The following STK24 variants were observed in gnomAD, a reference collection of about 807,000 sequenced individuals.
The protein encoded by STK24 is serine/threonine kinase 24, also known as serine/threonine-protein kinase 24.
A neutral mutation model predicts 55.6 loss-of-function variants in STK24; 21 were observed. The ratio of observed to expected loss-of-function variants is 0.38; its 90% CI spans 0.27 to 0.54. The LOEUF is 0.54. STK24 is among the 20% of genes least tolerant of loss of function. The pLI is 0.79. For missense variants in STK24, 383 were observed against 538.4 expected (o/e 0.71, Z 2.86); for synonymous variants, 200 against 215.2 (o/e 0.93, Z 0.62).
intron 2 of STK24, among the ~76,000 whole-genome samples, chr13:98,498,122 G>A (rs1895317609): frequency 6.6e-6 from 1 of 152,234 alleles, no homozygotes; most frequent in South Asian, 2.1e-4. Context: ...AGTTAGCTGA[G>A]CACTGATGGT....
intron 3 of STK24, among the ~76,000 whole-genome samples, chr13:98,479,433 T>G (rs1280181633): frequency 6.6e-6 from 1 of 152,198 alleles, no homozygotes; most frequent in Non-Finnish European, 1.5e-5. Context: ...TTTGCATTTT[T>G]TAAAAGTTAA....
chr13:98,509,600 T>G (rs1319400701), intron 2 of STK24, among the ~76,000 whole-genome samples: 1 of 152,236 alleles, frequency 6.6e-6, no homozygotes, highest in East Asian at 1.9e-4. Context: ...AAGTTTAACT[T>G]TCTCATACCA....
chr13:98,480,619 G>T (rs1894546101), intron 3 of STK24, among the ~76,000 whole-genome samples: 1 of 151,886 alleles, frequency 6.6e-6, no homozygotes, highest in Non-Finnish European at 1.5e-5. Flanking sequence ...TTATTTTTAT[G>T]GTTTATAATA....
At chr13:98,497,866 A>C (rs537372569) in intron 2 of STK24, among the ~76,000 whole-genome samples, 54 of 152,278 alleles carry the variant, frequency 3.5e-4, no homozygotes, top group African/African-American at 1.3e-3. Flanking sequence ...CTGTAACACT[A>C]ACTCTCTAAA....
At chr13:98,521,963 A>G (rs565850521) in intron 1 of STK24, 1 of 1,392,034 alleles carries the variant, frequency 7.2e-7, no homozygotes, top group South Asian at 1.3e-5. Flanking sequence ...AGTTTCTCCC[A>G]TTTAAAACAA....
chr13:98,519,764 G>A (rs958616524), intron 1 of STK24, among the ~76,000 whole-genome samples: 1 of 152,164 alleles, frequency 6.6e-6, no homozygotes, highest in Non-Finnish European at 1.5e-5. Flanking sequence ...TGTATAATGA[G>A]GGTAAATTAA....
intron 2 of STK24, among the ~76,000 whole-genome samples, chr13:98,494,088 C>T (rs1296618096): frequency 2.7e-5 from 4 of 148,270 alleles, no homozygotes; most frequent in Admixed American, 2.7e-4. Context: ...GTGATCCGCC[C>T]GCCTCGGCCT....
rs1367976769 is a variant in STK24 at position 98,573,755 on chromosome 13, G to A, written c.42+2990C>T. 4.6e-5 allele frequency among the ~76,000 whole-genome samples: 7 copies of A among 152,302 alleles called. 1 individual carries two copies. Among genetic ancestry groups the A allele is most frequent in the African/African-American group, 1.7e-4 (7 of 41,554 alleles). ...AAAACAGTAACACTGCATGATGAGT[G>A]GGAGTAGGAGGAGTAGTAGTTTCCA... On this transcript the variant is annotated intron_variant, in intron 1 of 10. Transcript: ENST00000539966.
Position 98,449,060 on chromosome 13 carries a change from G to C in STK24, c.*4113C>G, listed in dbSNP as rs1225161651. On this transcript the variant is annotated 3_prime_UTR_variant, in exon 11 of 11. Transcript: ENST00000539966. ...GCAATACCTGGACTGTCACCGTCCT[G>C]TGAGTGGTGTACACAATGGGAAGAT... is the stretch of plus-strand genomic sequence containing the variant. The C allele has an allele frequency of 6.6e-6, 1 of 152,214 alleles. No homozygotes were observed. Among genetic ancestry groups the C allele is most frequent in the Non-Finnish European group, 1.5e-5 (1 of 68,068 alleles). The allele number at this position is 152,214 out of a possible 1,614,324, so 9.4% of individuals were successfully genotyped here.
intron 1 of STK24, 102 bp downstream of exon 1, chr13:98,576,643 G>T (rs1214162858): frequency 2.9e-6 from 3 of 1,047,346 alleles, no homozygotes; most frequent in Non-Finnish European, 3.9e-6. Context: ...GCTCCGGCGC[G>T]ACCCCGGCCG....
intron 1 of STK24, among the ~76,000 whole-genome samples, chr13:98,535,368 A>AT (rs1435858776): frequency 1.0e-4 from 5 of 48,934 alleles, no homozygotes; most frequent in South Asian, 6.8e-4. Flanking sequence ...AAACAAAAAA[A>AT]AAATATATAT....
intron 2 of STK24, among the ~76,000 whole-genome samples, chr13:98,497,115 C>T (rs1475498258): frequency 1.3e-5 from 2 of 152,194 alleles, no homozygotes; most frequent in Non-Finnish European, 2.9e-5. Context: ...CAGGCCCACT[C>T]TTCGGCACAC....
At chr13:98,527,604 C>T (rs1434340076) in intron 1 of STK24, among the ~76,000 whole-genome samples, 4 of 152,164 alleles carry the variant, frequency 2.6e-5, no homozygotes, top group Non-Finnish European at 5.9e-5. Flanking sequence ...CTTCTCTGAA[C>T]CCACCTCCAT....
At chr13:98,537,751 C>T in intron 1 of STK24, among the ~76,000 whole-genome samples, 1 of 152,144 alleles carries the variant, frequency 6.6e-6, no homozygotes, top group East Asian at 1.9e-4. Flanking sequence ...GCTGAGGGCT[C>T]AGCTCCTGGA....
At chr13:98,532,268 G>C (rs868708094) in intron 1 of STK24, among the ~76,000 whole-genome samples, 1 of 151,940 alleles carries the variant, frequency 6.6e-6, no homozygotes, top group Admixed American at 6.6e-5. Flanking sequence ...GGCACCTCCC[G>C]GCACCTCACC....
chr13:98,514,468 A>T (rs1435457656), intron 2 of STK24, among the ~76,000 whole-genome samples: 1 of 152,212 alleles, frequency 6.6e-6, no homozygotes, highest in Non-Finnish European at 1.5e-5. Flanking sequence ...AATAACCTGT[A>T]CTTTCATAGA....
At position 98,446,483 on chromosome 13, in the gene STK24, G is replaced by A. The variant is rs1892842918; in HGVS notation, c.*6690C>T. The A allele has an allele frequency of 1.6e-6, 1 of 639,692 alleles. No individual in the cohort carries two copies. The highest frequency in any genetic ancestry group is 2.7e-6 in the Non-Finnish European group (1 of 369,362). The allele number at this position is 639,692 out of a possible 1,614,324, so 39.6% of individuals were successfully genotyped here. On this transcript the variant is annotated 3_prime_UTR_variant, in exon 11 of 11. Transcript: ENST00000539966. ...TGGCTTTATCTACAGCTCAGTCCTG[G>A]CGGGACTTGCCACCCGGGCCATCAC...
intron 2 of STK24, among the ~76,000 whole-genome samples, chr13:98,503,024 G>GGTTTTTTTTTTTTTTTTTT (rs759314930): frequency 1.9e-5 from 2 of 107,084 alleles, no homozygotes; most frequent in African/African-American, 8.0e-5. Flanking sequence ...CTTTCCATGT[G>GGTTTTTTTTTTTTTTTTTT]TTTTTTTTTT....
At chr13:98,552,098 T>C (rs893239892) in intron 1 of STK24, among the ~76,000 whole-genome samples, 1 of 152,212 alleles carries the variant, frequency 6.6e-6, no homozygotes, top group African/African-American at 2.4e-5. Flanking sequence ...TCCACATTAG[T>C]TACCCCTGGG....
Sources: gnomAD v4.1 joint callset for allele counts (sites outside exome capture counted in the v4.1 genomes callset) on GRCh38, gnomAD v4.1.1 for gene constraint, MANE v1.5 for transcripts, NCBI Gene and HGNC (gene_info 2026-07-23, HGNC 2026-07-21) for gene names.